The following PPEF2 variants were observed in gnomAD, a reference collection of about 807,000 sequenced individuals.
PPEF2 encodes protein phosphatase with EF-hand domain 2.
Under a neutral mutation model 84.7 loss-of-function variants are expected in PPEF2, and 84 were observed. The observed-to-expected ratio is 0.99, with a 90% CI of 0.83 to 1.19. PPEF2 has a LOEUF of 1.19. PPEF2 is among the 50% of genes most tolerant of loss of function. The probability of loss-of-function intolerance (pLI) is 0.00; values close to 1 mark genes in which losing one functional copy is unlikely to be tolerated. For synonymous variants in PPEF2, 346 were observed against 345.2 expected (o/e 1.00, Z -0.03); for missense variants, 924 against 937.5 (o/e 0.99, Z 0.19).
At chr4:75,867,458 G>T (rs1370425900) in intron 13 of PPEF2, 39 bp from the exon 14 acceptor site, 2 of 1,381,184 alleles carry the variant, frequency 1.4e-6, no homozygotes, top group Non-Finnish European at 2.0e-6. Flanking sequence ...TAACACACTG[G>T]TATAGAAAAA....
intron 11 of PPEF2, among the ~76,000 whole-genome samples, chr4:75,875,772 ATT>A (rs1389563620): frequency 6.6e-6 from 1 of 152,088 alleles, no homozygotes; most frequent in Non-Finnish European, 1.5e-5. Flanking sequence ...CTCAATGTCC[ATT>A]CTCCTCTTCC....
intron 11 of PPEF2, among the ~76,000 whole-genome samples, chr4:75,873,764 C>T (rs986050291): frequency 1.3e-5 from 2 of 151,760 alleles, no homozygotes; most frequent in Non-Finnish European, 2.9e-5. Flanking sequence ...AAAATGCAAT[C>T]GACATTTTAT....
At chr4:75,897,760 G>C (rs577454334) in intron 1 of PPEF2, among the ~76,000 whole-genome samples, 41 of 152,278 alleles carry the variant, frequency 2.7e-4, no homozygotes, top group Middle Eastern at 3.4e-3. Context: ...CTGGGCGACA[G>C]AGCAAGACTC....
At chr4:75,866,451 CA>C (rs1724133533) in intron 14 of PPEF2, 99 bp from the exon 15 acceptor site, 1 of 1,436,628 alleles carries the variant, frequency 7.0e-7, no homozygotes. Context: ...TTACTATCTG[CA>C]GGTAATAGAA....
At chr4:75,895,977 A>G (rs1456650455) in intron 2 of PPEF2, among the ~76,000 whole-genome samples, 1 of 152,090 alleles carries the variant, frequency 6.6e-6, no homozygotes, top group African/African-American at 2.4e-5. Flanking sequence ...CTCTGCCTGG[A>G]ATGTGTTTCA....
chr4:75,898,534 G>A (rs2149231509), intron 1 of PPEF2, among the ~76,000 whole-genome samples: 1 of 152,276 alleles, frequency 6.6e-6, no homozygotes, highest in South Asian at 2.1e-4. Context: ...TGAATATCCT[G>A]TTCACATTTC....
At chr4:75,873,868 A>G (rs1724345205) in intron 11 of PPEF2, among the ~76,000 whole-genome samples, 1 of 151,374 alleles carries the variant, frequency 6.6e-6, no homozygotes. Flanking sequence ...GTAGTTTGGG[A>G]GGCTGAGGTA....
chr4:75,874,579 G>A lies in PPEF2; in HGVS notation c.1321-1267C>T, dbSNP rs376157115. Among the ~76,000 whole-genome samples the A allele has an allele frequency of 5.0e-3, 760 of 151,828 alleles. 2 individuals carry two copies. The highest frequency in any genetic ancestry group is 0.015 in the South Asian group (72 of 4,798). On this transcript the variant is annotated intron_variant, in intron 11 of 16. Transcript: ENST00000286719. The stretch of plus-strand genomic sequence containing the variant: ...CTCCCAAAGTGCTGGGATTACAGGC[G>A]TGAGCCACCACACTTAGCCAACATT...
chr4:75,883,447 T>TATA, intron 8 of PPEF2: 1 of 534,560 alleles, frequency 1.9e-6, no homozygotes. Context: ...GAATCTCTAT[T>TATA]ATTTATATGA....
rs1433979613 is a variant in PPEF2 at position 75,872,127 on chromosome 4, C to T, written c.1547G>A (p.Gly516Asp). The T allele has an allele frequency of 6.2e-7, 1 of 1,613,930 alleles. No individual in the cohort carries two copies. Among genetic ancestry groups the T allele is most frequent in the South Asian group, 1.1e-5 (1 of 91,062 alleles). The change falls in exon 13 of 17, where the codon GGC (glycine) becomes GAC (aspartate). Residue 516 changes from glycine to aspartate, a missense_variant. By Grantham distance (94) the Gly-to-Asp change is moderately conservative. Transcript: ENST00000286719. ...IFSASNYYEV[G>D]SNRGAYVKLG... ...TTTGACATAGGCCCCTCTGTTGCTG[C>T]CAACTTCATAGTAGTTGGAGGCAGA...
chr4:75,864,160 C>A (rs1724073964), intron 16 of PPEF2, among the ~76,000 whole-genome samples: 1 of 152,138 alleles, frequency 6.6e-6, no homozygotes, highest in African/African-American at 2.4e-5. Flanking sequence ...GCAGGAGCCA[C>A]CATGTCCAGA....
chr4:75,863,707 AT>A (rs771575179), intron 16 of PPEF2, among the ~76,000 whole-genome samples: 38 of 150,960 alleles, frequency 2.5e-4, no homozygotes, highest in Middle Eastern at 3.4e-3. Flanking sequence ...ACCTCACCAT[AT>A]TTTTTTTTAT....
At chr4:75,874,543 C>T (rs1464060153) in intron 11 of PPEF2, among the ~76,000 whole-genome samples, 1 of 152,182 alleles carries the variant, frequency 6.6e-6, no homozygotes, top group East Asian at 1.9e-4. Context: ...AGATGATCCT[C>T]CCACCTCAGC....
At chr4:75,867,723 G>A (rs1724165888) in intron 13 of PPEF2, among the ~76,000 whole-genome samples, 2 of 152,090 alleles carry the variant, frequency 1.3e-5, no homozygotes, top group South Asian at 2.1e-4. Context: ...TGATTAAAAT[G>A]GTACCTGTCT....
chr4:75,902,138 A>G (rs1725136650), intron 1 of PPEF2, 92 bp downstream of exon 1: 1 of 152,198 alleles, frequency 6.6e-6, no homozygotes. Flanking sequence ...TTTGTCTCAA[A>G]ACAACTCTGT....
At chr4:75,895,483 A>G (rs562862339) in intron 2 of PPEF2, among the ~76,000 whole-genome samples, 1 of 152,132 alleles carries the variant, frequency 6.6e-6, no homozygotes, top group South Asian at 2.1e-4. Flanking sequence ...CTGTAATCCC[A>G]GCACTTTGGG....
chr4:75,873,213 G>C lies in PPEF2; in HGVS notation c.1420C>G (p.Gln474Glu). 1 of 1,614,046 alleles carries C rather than the reference G, an allele frequency of 6.2e-7. No homozygotes were observed. The highest frequency in any genetic ancestry group is 8.5e-7 in the Non-Finnish European group (1 of 1,179,884). ...TGCATGTTGTATTTTTGTAGCAACT[G>C]TTGTGTCACATCAGGCCCAAAATAA... ...GCYFGPDVTQ[Q>E]LLQKYNMQFL... is the part of the protein sequence containing the mutation. The change falls in exon 12 of 17, where the codon CAG becomes GAG. Residue 474 changes from glutamine (Q) to glutamate (E), a missense_variant. By Grantham distance (29) the Gln-to-Glu change is conservative. Coordinates refer to ENST00000286719, the MANE Select transcript of PPEF2 (RefSeq NM_006239.3).
intron 10 of PPEF2, 125 bp downstream of exon 10, chr4:75,882,801 C>A (rs1182614300): frequency 1.9e-6 from 2 of 1,071,344 alleles, no homozygotes; most frequent in South Asian, 1.6e-5. Flanking sequence ...CCTCCATACT[C>A]TTAATGGCCT....
In PPEF2 at chr4:75,876,669, ACTAT is replaced by A; in HGVS notation, c.934_937del (p.Ile312PhefsTer4). ...TCTCGTTTTGCACCTCATGGTGGAAACTATCTAAACACGTCCAGAAAGAGATACA... is the reference window on the plus strand; with the variant it reads ...TCTCGTTTTGCACCTCATGGTGGAAACTAAACACGTCCAGAAAGAGATACA... On this transcript the variant is annotated frameshift_variant and splice_region_variant, in exon 11 of 17. Coordinates refer to ENST00000286719, the MANE Select transcript of PPEF2 (RefSeq NM_006239.3). LOFTEE classifies it high-confidence loss of function. The A allele has an allele frequency of 1.9e-6, 3 of 1,541,618 alleles. No homozygotes were observed. The highest frequency in any genetic ancestry group is 1.7e-6 in the Non-Finnish European group (2 of 1,144,452).
Sources: gnomAD v4.1 joint callset for allele counts (sites outside exome capture counted in the v4.1 genomes callset) on GRCh38, gnomAD v4.1.1 for gene constraint, MANE v1.5 for transcripts, NCBI Gene and HGNC (gene_info 2026-07-23, HGNC 2026-07-21) for gene names.